Variants in ANKFN1 observed in about 807,000 individuals in gnomAD.
ANKFN1 encodes the protein ankyrin repeat and fibronectin type-III domain-containing protein 1.
ANKFN1 carries 74 observed loss-of-function variants against 108.7 expected under a neutral mutation model. The ratio of observed to expected loss-of-function variants is 0.68; its 90% CI spans 0.56 to 0.83. The LOEUF (loss-of-function observed/expected upper bound fraction) is 0.83, where lower values mean the gene tolerates loss of function less well. ANKFN1 is among the 40% of genes least tolerant of loss of function. The pLI is 0.00. For missense variants in ANKFN1, 1,505 were observed against 1,382.3 expected (o/e 1.09, Z -1.41); for synonymous variants, 547 against 516.2 (o/e 1.06, Z -0.81).
chr17:56,433,692 G>C (rs190619019), intron 8 of ANKFN1, among the ~76,000 whole-genome samples: 32 of 152,234 alleles, frequency 2.1e-4, no homozygotes, highest in East Asian at 7.7e-4. Flanking sequence ...GGGCGGGAAG[G>C]GGGTGAGGGA....
intron 4 of ANKFN1, among the ~76,000 whole-genome samples, chr17:56,068,409 G>A (rs1468795620): frequency 6.6e-6 from 1 of 152,198 alleles, no homozygotes; most frequent in African/African-American, 2.4e-5. Flanking sequence ...AGATTCATAA[G>A]AGTGCTCTAG....
At chr17:56,503,459 G>A (rs1598733374) in intron 20 of ANKFN1, among the ~76,000 whole-genome samples, 1 of 125,420 alleles carries the variant, frequency 8.0e-6, no homozygotes, top group African/African-American at 3.3e-5. Flanking sequence ...AAACACAGTG[G>A]AAATAAATTC....
At chr17:56,178,943 A>G (rs949109719) in intron 1 of ANKFN1, among the ~76,000 whole-genome samples, 1 of 152,162 alleles carries the variant, frequency 6.6e-6, no homozygotes, top group Non-Finnish European at 1.5e-5. Flanking sequence ...ATATTCTCCA[A>G]TTAAGTTCAT....
At chr17:56,157,253 C>A (rs1022029837) in intron 1 of ANKFN1, among the ~76,000 whole-genome samples, 1 of 152,172 alleles carries the variant, frequency 6.6e-6, no homozygotes, top group Non-Finnish European at 1.5e-5. Flanking sequence ...TTGCTCTTAA[C>A]TATTTCAGAC....
intron 4 of ANKFN1, among the ~76,000 whole-genome samples, chr17:56,074,814 C>T (rs1250109568): frequency 6.6e-6 from 1 of 152,108 alleles, no homozygotes; most frequent in Non-Finnish European, 1.5e-5. Flanking sequence ...ATTGGCAAAG[C>T]GTACCCAAGT....
upstream of ANKFN1, among the ~76,000 whole-genome samples, chr17:56,150,859 C>T (rs1305035978): frequency 6.0e-5 from 5 of 83,416 alleles, no homozygotes; most frequent in Non-Finnish European, 1.1e-4. Flanking sequence ...TCACTTGAGT[C>T]AATATTGGCA....
At chr17:56,476,250 C>T (rs1236159981) in intron 15 of ANKFN1, among the ~76,000 whole-genome samples, 1 of 152,120 alleles carries the variant, frequency 6.6e-6, no homozygotes, top group African/African-American at 2.4e-5. Context: ...TGTGTCACAA[C>T]CCCCACTGCC....
rs567818360 is a variant in ANKFN1, at chr17:56,094,523, AGGCTG to A, written c.288+48199_288+48203del. The stretch of plus-strand genomic sequence containing the variant: ...TGAGGCGAAGTCTTGTTTTGTCGCC[AGGCTG>A]CCAGGCTGCCAGGCTGCCAGGCTGG... On this transcript the variant is annotated intron_variant, in intron 4 of 12. Transcript: ENST00000635860. Among the ~76,000 whole-genome samples, 146 of 68,406 alleles carry A rather than the reference AGGCTG, an allele frequency of 2.1e-3. 2 individuals are homozygous for A. Among genetic ancestry groups the A allele is most frequent in the African/African-American group, 0.018 (134 of 7,440 alleles). The allele number at this position is 68,406 out of a possible 152,430, so 44.9% of individuals were successfully genotyped here. A position where few individuals can be genotyped will look rare whatever the true frequency, so the allele number is the denominator to read the frequency against.
At chr17:56,214,702 C>A (rs577986278) in intron 2 of ANKFN1, among the ~76,000 whole-genome samples, 1 of 152,280 alleles carries the variant, frequency 6.6e-6, no homozygotes, top group African/African-American at 2.4e-5. Flanking sequence ...TTCCCCTGAC[C>A]TTTCCATCAC....
chr17:56,216,007 C>T lies in ANKFN1; in HGVS notation c.12+3328C>T, dbSNP rs1234331158. Among the ~76,000 whole-genome samples, 2 of 152,086 alleles carry T rather than the reference C, an allele frequency of 1.3e-5. 1 individual carries two copies. The highest frequency in any genetic ancestry group is 2.9e-5 in the Non-Finnish European group (2 of 68,020). On this transcript the variant is annotated intron_variant, in intron 2 of 20. Coordinates refer to ENST00000682825, the MANE Select transcript of ANKFN1 (RefSeq NM_001370326.1). ...TAAACAGTTGCCTGAGTTTATGCTC[C>T]GATTCATAAGGAATTCAAGCCATTT...
chr17:56,093,826 G>A (rs1008147563), intron 4 of ANKFN1, among the ~76,000 whole-genome samples: 2 of 151,310 alleles, frequency 1.3e-5, no homozygotes, highest in Non-Finnish European at 3.0e-5. Context: ...TTTCTTGAGT[G>A]TGGTACCTGT....
At chr17:56,081,418 T>G in intron 4 of ANKFN1, among the ~76,000 whole-genome samples, 1 of 152,122 alleles carries the variant, frequency 6.6e-6, no homozygotes. Context: ...AGTGGTGTGA[T>G]CTCAGCTCAC....
At chr17:56,063,283 T>C (rs1905007395) in intron 4 of ANKFN1, among the ~76,000 whole-genome samples, 1 of 152,196 alleles carries the variant, frequency 6.6e-6, no homozygotes, top group Non-Finnish European at 1.5e-5. Context: ...TTCCTGAATG[T>C]GCATATTGGC....
At position 56,189,179 on chromosome 17, in the gene ANKFN1, T is replaced by TTTTTTTTTTTTTGTTTTG. The variant is rs1244013476; in HGVS notation, c.-70-23410_-70-23409insTTTGTTTTGTTTTTTTTT. On this transcript the variant is annotated intron_variant, in intron 1 of 20. Transcript: ENST00000682825. Reference sequence around the variant, plus strand: ...GTAAATGTTGCCCTGACTTTTTTTTTTTTTTTTTTGAGACGGAGTCTCGCT... The same window carrying TTTTTTTTTTTTTGTTTTG: ...GTAAATGTTGCCCTGACTTTTTTTTTTTTTTTTTTTTTGTTTTGTTTTTTTTTGAGACGGAGTCTCGCT... Among the ~76,000 whole-genome samples the TTTTTTTTTTTTTGTTTTG allele has an allele frequency of 1.1e-3, 118 of 111,374 alleles. 4 individuals are homozygous for TTTTTTTTTTTTTGTTTTG. Among genetic ancestry groups the TTTTTTTTTTTTTGTTTTG allele is most frequent in the African/African-American group, 5.5e-3 (112 of 20,394 alleles). The allele number at this position is 111,374 out of a possible 152,430, so 73.1% of individuals were successfully genotyped here. A position where few individuals can be genotyped will look rare whatever the true frequency, so the allele number is the denominator to read the frequency against.
At chr17:56,407,931 C>CTTTTTTTTTTTTTTTTTTTTTTTTTT in intron 8 of ANKFN1, among the ~76,000 whole-genome samples, 1 of 104,622 alleles carries the variant, frequency 9.6e-6, no homozygotes, top group Non-Finnish European at 1.9e-5. Flanking sequence ...TCTTTTTTAT[C>CTTTTTTTTTTTTTTTTTTTTTTTTTT]TTTTTTTTTT....
At chr17:56,403,579 G>A (rs1240976233) in intron 8 of ANKFN1, among the ~76,000 whole-genome samples, 1 of 152,124 alleles carries the variant, frequency 6.6e-6, no homozygotes, top group Non-Finnish European at 1.5e-5. Flanking sequence ...GGTAGCAAAT[G>A]GTTGGTGAGT....
rs537390012 is a variant in ANKFN1, at chr17:56,080,608, A to G, written c.288+34283A>G. ...CTCATTTAATCCTCCCTATACTCCT[A>G]AGACTTGATGCTATTGTTTCTACAC... is the stretch of plus-strand genomic sequence containing the variant. On this transcript the variant is annotated intron_variant, in intron 4 of 12. Coordinates refer to the ANKFN1 transcript ENST00000635860. Among the ~76,000 whole-genome samples, 7 of 152,308 alleles carry G rather than the reference A, an allele frequency of 4.6e-5. No homozygotes were observed. In the South Asian group the frequency reaches 1.2e-3, roughly 27 times the overall value.
chr17:56,127,028 C>A lies in ANKFN1; in HGVS notation c.288+80703C>A, dbSNP rs74600901. Among the ~76,000 whole-genome samples, 1,252 of 152,262 alleles carry A rather than the reference C, an allele frequency of 8.2e-3. 18 individuals are homozygous for A. Among genetic ancestry groups the A allele is most frequent in the African/African-American group, 0.028 (1,159 of 41,548 alleles). The stretch of plus-strand genomic sequence containing the variant: ...CTATTACATACTCAACTTTTACTAC[C>A]TCTTAAAAGGGGCACTGAAGCTAGG... On this transcript the variant is annotated intron_variant, in intron 4 of 12. Coordinates refer to the ANKFN1 transcript ENST00000635860.
chr17:56,296,817 T>C (rs1224094277), intron 3 of ANKFN1, among the ~76,000 whole-genome samples: 1 of 152,214 alleles, frequency 6.6e-6, no homozygotes, highest in Non-Finnish European at 1.5e-5. Context: ...TGGTCCTCTT[T>C]CTACATTGGT....
Sources: gnomAD v4.1 joint callset for allele counts (sites outside exome capture counted in the v4.1 genomes callset) on GRCh38, gnomAD v4.1.1 for gene constraint, MANE v1.5 for transcripts, NCBI Gene and HGNC (gene_info 2026-07-23, HGNC 2026-07-21) for gene names.